Variants in RNF216 observed in about 807,000 individuals in gnomAD.
The protein encoded by RNF216 is ring finger protein 216.
RNF216 carries 72 observed loss-of-function variants against 110.8 expected under a neutral mutation model. That is an observed-to-expected ratio of 0.65 (90% confidence interval 0.54 to 0.79). The LOEUF is 0.79. Among genes scored for constraint, RNF216 ranks in the 30% least tolerant of loss-of-function variants. RNF216 has a pLI of 0.00. For missense variants in RNF216, 1,342 were observed against 1,141.2 expected (o/e 1.18, Z -2.54); for synonymous variants, 495 against 407.5 (o/e 1.21, Z -2.59).
At chr7:5,655,729 T>G (rs191805090) in intron 13 of RNF216, among the ~76,000 whole-genome samples, 1 of 147,700 alleles carries the variant, frequency 6.8e-6, no homozygotes, top group Non-Finnish European at 1.5e-5. Context: ...CTCTGTGTAG[T>G]GTCTTTAAAA....
chr7:5,634,688 C>A (rs937600688), intron 15 of RNF216, among the ~76,000 whole-genome samples: 2 of 152,220 alleles, frequency 1.3e-5, no homozygotes, highest in African/African-American at 2.4e-5. Flanking sequence ...GCACTTCCCC[C>A]ACAAGGACCT....
intron 1 of RNF216, among the ~76,000 whole-genome samples, chr7:5,770,922 T>C (rs1796461919): frequency 1.3e-5 from 2 of 151,948 alleles, no homozygotes; most frequent in South Asian, 4.1e-4. Flanking sequence ...ATTCTCCTGC[T>C]TCAGCCTCCA....
rs79846359 is a variant in RNF216 at position 5,755,390 on chromosome 7, G to C, written c.68-2411C>G. Among the ~76,000 whole-genome samples the C allele has an allele frequency of 2.3e-3, 346 of 152,196 alleles. 3 individuals are homozygous for C. Among genetic ancestry groups the C allele is most frequent in the Middle Eastern group, 0.01 (3 of 294 alleles). Reference sequence around the variant, plus strand: ...AAAATTGAAAGAATAACACAGCATGGTCTATAAATCAAGTGTACAAGCTCT... The same window carrying C: ...AAAATTGAAAGAATAACACAGCATGCTCTATAAATCAAGTGTACAAGCTCT... On this transcript the variant is annotated intron_variant, in intron 2 of 16. Coordinates refer to ENST00000389902, the MANE Select transcript of RNF216 (RefSeq NM_207111.4).
intron 8 of RNF216, among the ~76,000 whole-genome samples, chr7:5,723,008 C>T (rs1166420769): frequency 1.3e-5 from 2 of 152,122 alleles, no homozygotes; most frequent in South Asian, 2.1e-4. Flanking sequence ...TAGAAAAGCA[C>T]GTGGTTAGAC....
intron 13 of RNF216, among the ~76,000 whole-genome samples, chr7:5,665,488 T>A (rs1789448416): frequency 1.3e-5 from 2 of 152,180 alleles, no homozygotes; most frequent in African/African-American, 4.8e-5. Flanking sequence ...GAAAAGTTCT[T>A]TCCCTGAGCC....
intron 8 of RNF216, among the ~76,000 whole-genome samples, chr7:5,721,629 G>A (rs1426570228): frequency 6.6e-6 from 1 of 152,170 alleles, no homozygotes; most frequent in Non-Finnish European, 1.5e-5. Flanking sequence ...CAAAGTGGTT[G>A]TACCAGTTTA....
At chr7:5,644,067 T>A (rs569429402) in intron 14 of RNF216, among the ~76,000 whole-genome samples, 2 of 152,232 alleles carry the variant, frequency 1.3e-5, no homozygotes, top group African/African-American at 4.8e-5. Context: ...TATGAATATA[T>A]CATATTAGTT....
intron 1 of RNF216, among the ~76,000 whole-genome samples, chr7:5,774,171 C>G (rs1298054800): frequency 1.2e-5 from 1 of 84,584 alleles, no homozygotes; most frequent in Non-Finnish European, 2.2e-5. Context: ...ATAATACTGC[C>G]TATGTTTAAA....
intron 13 of RNF216, among the ~76,000 whole-genome samples, chr7:5,682,916 AT>A (rs1333089731): frequency 2.0e-5 from 3 of 152,226 alleles, no homozygotes; most frequent in Admixed American, 2.0e-4. Flanking sequence ...TTAATGTAGC[AT>A]CAAAACCAGA....
chr7:5,637,711 G>T (rs852477), intron 15 of RNF216, among the ~76,000 whole-genome samples: 18,499 of 152,046 alleles, frequency 0.12, 2,291 homozygotes, highest in African/African-American at 0.32. Context: ...GGATAACTTT[G>T]GGATTTTTTG....
At chr7:5,753,086 T>G in intron 2 of RNF216, 107 bp from the exon 3 acceptor site, 1 of 1,082,602 alleles carries the variant, frequency 9.2e-7, no homozygotes, top group Non-Finnish European at 1.3e-6. Context: ...TCATGGCTAC[T>G]AGTGTAACGT....
At chr7:5,681,542 T>C (rs541959559) in intron 13 of RNF216, among the ~76,000 whole-genome samples, 2 of 152,176 alleles carry the variant, frequency 1.3e-5, no homozygotes, top group East Asian at 3.8e-4. Context: ...GCAGGACCTG[T>C]AGCACCAAGG....
chr7:5,705,166 C>A (rs1391343623), intron 13 of RNF216, among the ~76,000 whole-genome samples: 1 of 152,146 alleles, frequency 6.6e-6, no homozygotes, highest in Non-Finnish European at 1.5e-5. Context: ...GTTACTGACC[C>A]GGATCACTGA....
At chr7:5,735,651 GAGA>G (rs1794352836) in intron 5 of RNF216, among the ~76,000 whole-genome samples, 1 of 152,188 alleles carries the variant, frequency 6.6e-6, no homozygotes, top group African/African-American at 2.4e-5. Context: ...GGTGGACTTA[GAGA>G]CATGGAGATT....
At chr7:5,627,328 C>G (rs1331793117) in intron 15 of RNF216, among the ~76,000 whole-genome samples, 1 of 152,246 alleles carries the variant, frequency 6.6e-6, no homozygotes, top group Admixed American at 6.5e-5. Flanking sequence ...GTGCTGGACG[C>G]TGCAGACACA....
intron 9 of RNF216, among the ~76,000 whole-genome samples, chr7:5,717,807 G>C (rs1490074225): frequency 6.6e-6 from 1 of 152,110 alleles, no homozygotes; most frequent in Admixed American, 6.6e-5. Flanking sequence ...TTATGAGACA[G>C]AGTCTCACTT....
chr7:5,762,731 G>A (rs1795999144), intron 1 of RNF216, among the ~76,000 whole-genome samples: 2 of 151,956 alleles, frequency 1.3e-5, no homozygotes, highest in African/African-American at 4.8e-5. Flanking sequence ...TAAAAATACA[G>A]TATGCGTAAG....
intron 1 of RNF216, among the ~76,000 whole-genome samples, chr7:5,762,484 C>T (rs1419818800): frequency 1.3e-5 from 2 of 151,560 alleles, no homozygotes; most frequent in Non-Finnish European, 2.9e-5. Flanking sequence ...GGTGAAACCC[C>T]ATCTCTACTA....
intron 3 of RNF216, among the ~76,000 whole-genome samples, chr7:5,748,194 T>C (rs1041631895): frequency 1.3e-5 from 2 of 152,128 alleles, no homozygotes; most frequent in African/African-American, 2.4e-5. Flanking sequence ...CTACTACATA[T>C]AGATCTTAAA....
Sources: allele counts gnomAD v4.1 joint callset (sites outside exome capture counted in the v4.1 genomes callset), GRCh38; gene constraint gnomAD v4.1.1; transcripts MANE v1.5; gene names NCBI Gene and HGNC (gene_info 2026-07-23, HGNC 2026-07-21).